The following CACNA1H variants were observed in gnomAD, a reference collection of about 807,000 sequenced individuals.
The protein encoded by CACNA1H is calcium voltage-gated channel subunit alpha1 H.
In CACNA1H, 149 loss-of-function variants were observed where a neutral mutation model predicts 192.5. The observed-to-expected ratio is 0.77, with a 90% confidence interval of 0.68 to 0.89. CACNA1H has a LOEUF of 0.89. CACNA1H is among the 40% of genes least tolerant of loss of function. The pLI is 0.00. For synonymous variants in CACNA1H, 2,202 were observed against 1,475.2 expected, an observed-to-expected ratio of 1.49 and a Z score of -11.29; for missense variants, 4,257 against 3,423.5, an observed-to-expected ratio of 1.24 and a Z score of -6.08.
intron 9 of CACNA1H, among the ~76,000 whole-genome samples, chr16:1,202,675 CA>C (rs1264759283): frequency 6.6e-6 from 1 of 152,170 alleles, no homozygotes; most frequent in Admixed American, 6.5e-5. Flanking sequence ...CAGCTCATGG[CA>C]GGAGTGGTAG....
Position 1,202,046 on chromosome 16 carries a change from C to A in CACNA1H, c.1596C>A (p.Ser532Arg). 1 of 1,537,952 alleles carries A rather than the reference C, an allele frequency of 6.5e-7. No homozygotes were observed. The highest frequency in any genetic ancestry group is 8.7e-7 in the Non-Finnish European group (1 of 1,144,204). ...ACCACCACCACCACTACCATTTCAG[C>A]CATGGCAGCCCCCGCAGGCCCGGCC... ...HHHHHHHYHFSHGSPRRPGPE... is the reference protein window; with the variant it reads ...HHHHHHHYHFRHGSPRRPGPE... The change falls in exon 9 of 35, where the codon AGC (serine) becomes AGA (arginine). Residue 532 changes from serine (S) to arginine (R), a missense_variant. Coordinates refer to ENST00000348261, the MANE Select transcript of CACNA1H (RefSeq NM_021098.3).
At chr16:1,168,178 G>A (rs868467838) in intron 2 of CACNA1H, among the ~76,000 whole-genome samples, 2 of 151,306 alleles carry the variant, frequency 1.3e-5, no homozygotes, top group African/African-American at 4.9e-5. Context: ...TCCAGTTGGG[G>A]CGGTTGATGT....
chr16:1,216,517 T>C (rs1970039902), intron 30 of CACNA1H, among the ~76,000 whole-genome samples: 1 of 152,144 alleles, frequency 6.6e-6, no homozygotes, highest in African/African-American at 2.4e-5. Flanking sequence ...AGCTGCGTGC[T>C]GGCCTGGGCC....
intron 16 of CACNA1H, 40 bp downstream of exon 16, chr16:1,208,261 G>A: frequency 7.0e-7 from 1 of 1,438,640 alleles, no homozygotes; most frequent in Non-Finnish European, 9.5e-7. Context: ...GGCCCCTTCA[G>A]GTTTTCCCTG....
At chr16:1,186,601 C>T (rs1468119294) in intron 2 of CACNA1H, among the ~76,000 whole-genome samples, 3 of 152,126 alleles carry the variant, frequency 2.0e-5, no homozygotes, top group African/African-American at 7.2e-5. Flanking sequence ...TCGAGATGGC[C>T]TGCACTGTGG....
intron 2 of CACNA1H, among the ~76,000 whole-genome samples, chr16:1,183,987 G>C (rs934194032): frequency 3.9e-5 from 6 of 152,366 alleles, no homozygotes; most frequent in Middle Eastern, 6.8e-3. Flanking sequence ...GGCAGCTGTG[G>C]CTGCCCCGGT....
intron 2 of CACNA1H, among the ~76,000 whole-genome samples, chr16:1,175,018 T>C (rs1002943788): frequency 6.6e-6 from 1 of 150,492 alleles, no homozygotes; most frequent in Non-Finnish European, 1.5e-5. Context: ...CTGCATGGAC[T>C]GTGAGGCCAG....
At chr16:1,208,311 C>T (rs1175813206) in intron 16 of CACNA1H, 90 bp downstream of exon 16, 38 of 885,468 alleles carry the variant, frequency 4.3e-5, no homozygotes, top group East Asian at 2.1e-4. Context: ...GAGTGAGGGC[C>T]GCACCCCCCA....
intron 2 of CACNA1H, among the ~76,000 whole-genome samples, chr16:1,161,465 C>T (rs567463275): frequency 6.6e-6 from 1 of 152,290 alleles, no homozygotes; most frequent in East Asian, 1.9e-4. Context: ...TACCTTGAGG[C>T]CTTTTTTTGG....
chr16:1,182,460 G>A (rs1019615651), intron 2 of CACNA1H, among the ~76,000 whole-genome samples: 13 of 152,110 alleles, frequency 8.5e-5, no homozygotes, highest in East Asian at 7.7e-4. Flanking sequence ...GCTCTCCCAC[G>A]GGCAGCCCAG....
rs538474711 is a variant in CACNA1H, at chr16:1,217,638, C to T, written c.5324-281C>T. On this transcript the variant is annotated intron_variant, in intron 31 of 34. Transcript: ENST00000348261. ...GCCGGCGCCTACTCATCCCCCGCCA[C>T]GCGCAGTCACAGACACACACAATAA... Among the ~76,000 whole-genome samples the T allele has an allele frequency of 1.5e-4, 23 of 152,322 alleles. No homozygotes were observed. In the South Asian group the frequency reaches 4.6e-3, roughly 30 times the overall value.
chr16:1,185,484 C>T (rs558768182), intron 2 of CACNA1H, among the ~76,000 whole-genome samples: 36 of 149,788 alleles, frequency 2.4e-4, no homozygotes, highest in Middle Eastern at 3.4e-3. Flanking sequence ...CCCACATGGA[C>T]GCTGCCATCT....
At position 1,153,969 on chromosome 16, in the gene CACNA1H, A is replaced by T; in HGVS notation, c.232A>T (p.Thr78Ser). The T allele has an allele frequency of 1.4e-6, 2 of 1,447,064 alleles. No homozygotes were observed. Among genetic ancestry groups the T allele is most frequent in the Non-Finnish European group, 1.8e-6 (2 of 1,099,738 alleles). 89.6% of individuals were successfully genotyped at this position (1,447,064 alleles called of 1,614,324 possible). ...QRVPYPALAATVFFCLGQTTR... is the reference protein window; with the variant it reads ...QRVPYPALAASVFFCLGQTTR... ...CGTCCCGTACCCGGCCTTGGCGGCCACGGTCTTCTTCTGCCTCGGTCAGAC... is the reference window on the plus strand; with the variant it reads ...CGTCCCGTACCCGGCCTTGGCGGCCTCGGTCTTCTTCTGCCTCGGTCAGAC... The change falls in exon 2 of 35, where the codon ACG (threonine) becomes TCG (serine). Residue 78 changes from threonine (T) to serine (S), a missense_variant. Thr to Ser is a moderately conservative substitution (Grantham distance 58). Transcript: ENST00000348261.
At chr16:1,184,499 C>T (rs561956346) in intron 2 of CACNA1H, among the ~76,000 whole-genome samples, 3 of 152,368 alleles carry the variant, frequency 2.0e-5, no homozygotes, top group Non-Finnish European at 2.9e-5. Flanking sequence ...TTTCCCGGCC[C>T]TCACCCTCAT....
chr16:1,171,935 A>G (rs945802716), intron 2 of CACNA1H, among the ~76,000 whole-genome samples: 4 of 152,240 alleles, frequency 2.6e-5, no homozygotes, highest in African/African-American at 9.6e-5. Flanking sequence ...GCATGTTCAC[A>G]GGCCAGGCGG....
At chr16:1,158,269 C>T (rs1201112749) in intron 2 of CACNA1H, among the ~76,000 whole-genome samples, 1 of 152,164 alleles carries the variant, frequency 6.6e-6, no homozygotes, top group Non-Finnish European at 1.5e-5. Flanking sequence ...CGTTGCAGGG[C>T]TCAGGGGGAG....
At chr16:1,183,608 TG>T (rs1455515113) in intron 2 of CACNA1H, among the ~76,000 whole-genome samples, 1 of 152,222 alleles carries the variant, frequency 6.6e-6, no homozygotes, top group Non-Finnish European at 1.5e-5. Context: ...GTGCCTGTCG[TG>T]GCATTGGGGT....
At chr16:1,182,955 C>T (rs1352358087) in intron 2 of CACNA1H, among the ~76,000 whole-genome samples, 2 of 152,076 alleles carry the variant, frequency 1.3e-5, no homozygotes, top group Non-Finnish European at 2.9e-5. Context: ...TGCAGGTTCT[C>T]AGGAGGGCAA....
At chr16:1,192,732 C>T (rs973819043) in intron 2 of CACNA1H, among the ~76,000 whole-genome samples, 2 of 152,132 alleles carry the variant, frequency 1.3e-5, no homozygotes, top group South Asian at 2.1e-4. Context: ...GGGGGGTCTC[C>T]GGGGTGATCT....
Sources: gnomAD v4.1 joint callset for allele counts (sites outside exome capture counted in the v4.1 genomes callset) on GRCh38, gnomAD v4.1.1 for gene constraint, MANE v1.5 for transcripts, NCBI Gene and HGNC (gene_info 2026-07-23, HGNC 2026-07-21) for gene names.